Variants in PPWD1 observed in about 807,000 individuals in gnomAD.
PPWD1 encodes the protein peptidylprolyl isomerase domain and WD repeat containing 1.
A neutral mutation model predicts 68.8 loss-of-function variants in PPWD1; 43 were observed. The ratio of observed to expected loss-of-function variants is 0.62; its 90% CI spans 0.49 to 0.81. PPWD1 has a LOEUF of 0.81. Ranked by LOEUF, PPWD1 falls within the 30% of genes least tolerant of loss-of-function variation. The pLI is 0.00. For missense variants in PPWD1, 672 were observed against 804.8 expected, an observed-to-expected ratio of 0.83 and a Z score of 2.00; for synonymous variants, 232 against 258.7, an observed-to-expected ratio of 0.90 and a Z score of 0.99.
chr5:65,567,603 T>G lies in PPWD1; in HGVS notation c.287T>G (p.Val96Gly), dbSNP rs769038409. The G allele has an allele frequency of 6.4e-5, 103 of 1,602,168 alleles. No homozygotes were observed. Among genetic ancestry groups the G allele is most frequent in the Non-Finnish European group, 8.5e-5 (100 of 1,173,218 alleles). Residue 96 changes from valine (V) to glycine (G), a missense_variant, in exon 2 of 11, where the codon GTG becomes GGG. Coordinates refer to ENST00000261308, the MANE Select transcript of PPWD1 (RefSeq NM_015342.4). ...ATGCATAGAGATGTTATCACCCATGTGGTATGCACCAAGTAAGTCTATCAC... is the reference window on the plus strand; with the variant it reads ...ATGCATAGAGATGTTATCACCCATGGGGTATGCACCAAGTAAGTCTATCAC... ...SYMHRDVITH[V>G]VCTKTDFIIT...
intron 5 of PPWD1, among the ~76,000 whole-genome samples, chr5:65,573,670 A>G (rs769570152): frequency 7.3e-5 from 11 of 150,742 alleles, no homozygotes; most frequent in Non-Finnish European, 1.5e-4. Context: ...CACGGTGCCA[A>G]GCCAGCAGAG....
intron 1 of PPWD1, chr5:65,563,950 G>A: frequency 1.9e-6 from 2 of 1,047,590 alleles, no homozygotes; most frequent in East Asian, 2.6e-5. Context: ...ATCATGGTAG[G>A]TAAAGATAAT....
chr5:65,578,918 G>T (rs979529072), intron 6 of PPWD1, among the ~76,000 whole-genome samples: 3 of 151,200 alleles, frequency 2.0e-5, no homozygotes, highest in African/African-American at 2.4e-5. Flanking sequence ...TTGGTTTTTT[G>T]TTGTTGTTGT....
At chr5:65,564,745 A>G (rs1207383865) in intron 1 of PPWD1, among the ~76,000 whole-genome samples, 1 of 151,896 alleles carries the variant, frequency 6.6e-6, no homozygotes, top group African/African-American at 2.4e-5. Context: ...TTTGTACTCC[A>G]CCCATTCTAA....
chr5:65,565,668 C>T (rs781541926), intron 1 of PPWD1, among the ~76,000 whole-genome samples: 6 of 151,838 alleles, frequency 4.0e-5, no homozygotes, highest in African/African-American at 1.2e-4. Context: ...ATTAGCCGGG[C>T]GTGGTGGCGC....
Position 65,570,167 on chromosome 5 carries a change from G to A in PPWD1, c.521+169G>A, listed in dbSNP as rs769899407. 256 of 880,896 alleles carry A rather than the reference G, an allele frequency of 2.9e-4. 2 individuals carry two copies. In the Middle Eastern group the frequency reaches 3.5e-3, roughly 12 times the overall value. 54.6% of individuals were successfully genotyped at this position (880,896 alleles called of 1,614,324 possible). A position where few individuals can be genotyped will look rare whatever the true frequency, so the allele number is the denominator to read the frequency against. Reference sequence around the variant, plus strand: ...ATACAGTGAAGCCTTATAATGTTTGGAAGCATCTGCTATGATTTGTTATCA... The same window carrying A: ...ATACAGTGAAGCCTTATAATGTTTGAAAGCATCTGCTATGATTTGTTATCA... On this transcript the variant is annotated intron_variant, in intron 4 of 10. Coordinates refer to ENST00000261308, the MANE Select transcript of PPWD1 (RefSeq NM_015342.4).
intron 4 of PPWD1, 35 bp from the exon 5 acceptor site, chr5:65,571,804 C>CT (rs749149033): frequency 1.4e-4 from 229 of 1,581,166 alleles, no homozygotes; most frequent in South Asian, 8.4e-4. Flanking sequence ...TTGTGCTGAC[C>CT]TTTTTTTTTC....
chr5:65,564,535 G>T (rs1287031504), intron 1 of PPWD1, among the ~76,000 whole-genome samples: 2 of 152,018 alleles, frequency 1.3e-5, no homozygotes, highest in Admixed American at 6.6e-5. Flanking sequence ...TGGCCAGGAT[G>T]GTCTTGATTT....
At chr5:65,569,467 A>G (rs551779375) in intron 2 of PPWD1, 165 bp from the exon 3 acceptor site, 93 of 667,732 alleles carry the variant, frequency 1.4e-4, no homozygotes, top group Admixed American at 4.9e-4. Flanking sequence ...AGGAGTTTCA[A>G]AATTTGCAGT....
chr5:65,577,859 G>T (rs1443266207), intron 6 of PPWD1, among the ~76,000 whole-genome samples: 1 of 152,122 alleles, frequency 6.6e-6, no homozygotes, highest in Non-Finnish European at 1.5e-5. Flanking sequence ...TGGTCCATTT[G>T]TTCCATTGAT....
intron 4 of PPWD1, chr5:65,570,452 C>T: frequency 2.1e-6 from 1 of 465,962 alleles, no homozygotes; most frequent in Non-Finnish European, 2.8e-6. Flanking sequence ...AGTATTAAGA[C>T]TGATACTTTG....
At chr5:65,585,235 G>C in intron 9 of PPWD1, 140 bp downstream of exon 9, 1 of 781,254 alleles carries the variant, frequency 1.3e-6, no homozygotes, top group South Asian at 2.0e-5. Flanking sequence ...GGAAGCCAAA[G>C]GAGGAGTGGA....
chr5:65,572,063 A>G lies in PPWD1; in HGVS notation c.746A>G (p.Tyr249Cys). Reference sequence around the variant, plus strand: ...TCTGACAAATCTGGGATGATTGAATACTGGACTGGGCCTCCTCATGAATAT... The same window carrying G: ...TCTGACAAATCTGGGATGATTGAATGCTGGACTGGGCCTCCTCATGAATAT... ...VSSDKSGMIE[Y>C]WTGPPHEYKF... Residue 249 changes from tyrosine (Y) to cysteine (C), a missense_variant, in exon 5 of 11, where the codon TAC (tyrosine) becomes TGC (cysteine). Physicochemically the swap from Tyr to Cys is radical, Grantham distance 194 (BLOSUM62 -2). Transcript: ENST00000261308. 6.2e-7 allele frequency: 1 copy of G among 1,613,902 alleles called. No homozygotes were observed.
At chr5:65,577,200 A>G (rs1753339299) in intron 6 of PPWD1, 131 bp downstream of exon 6, 3 of 1,360,362 alleles carry the variant, frequency 2.2e-6, no homozygotes, top group African/African-American at 2.9e-5. Context: ...AACTTAACCA[A>G]ATGTTTTGAC....
intron 8 of PPWD1, 68 bp from the exon 9 acceptor site, chr5:65,584,946 G>A: frequency 6.4e-7 from 1 of 1,552,586 alleles, no homozygotes; most frequent in Admixed American, 2.0e-5. Flanking sequence ...TTAGGAAGCA[G>A]AACTGCAAAG....
At chr5:65,578,818 A>C (rs560649040) in intron 6 of PPWD1, among the ~76,000 whole-genome samples, 1 of 141,168 alleles carries the variant, frequency 7.1e-6, no homozygotes, top group Admixed American at 7.1e-5. Flanking sequence ...GTATATATAT[A>C]CTTTTTTTTA....
chr5:65,576,246 T>G, intron 5 of PPWD1: 1 of 855,604 alleles, frequency 1.2e-6, no homozygotes, highest in Non-Finnish European at 1.4e-6. Context: ...GTGTTATATT[T>G]CATTGGAAAG....
Position 65,583,206 on chromosome 5 carries a change from C to T in PPWD1, c.1519C>T (p.Leu507Phe). 1 of 1,587,786 alleles carries T rather than the reference C, an allele frequency of 6.3e-7. No individual in the cohort carries two copies. Among genetic ancestry groups the T allele is most frequent in the South Asian group, 1.2e-5 (1 of 86,128 alleles). The stretch of plus-strand genomic sequence containing the variant: ...CAGCATGGGAGACATTCACACCAAA[C>T]TTTTTCCTGTTGAGTATGTATAACA... ...HTSMGDIHTK[L>F]FPVECPKTVE... Residue 507 changes from leucine to phenylalanine, a missense_variant, in exon 8 of 11, where the codon CTT (leucine) becomes TTT (phenylalanine). Leu to Phe is a conservative substitution (Grantham distance 22, BLOSUM62 0). Coordinates refer to ENST00000261308, the MANE Select transcript of PPWD1 (RefSeq NM_015342.4).
intron 4 of PPWD1, 73 bp downstream of exon 4, chr5:65,570,071 G>C: frequency 7.2e-7 from 1 of 1,381,120 alleles, no homozygotes; most frequent in Non-Finnish European, 9.9e-7. Context: ...CCATTTAATA[G>C]GTTATTTCTA....
Sources: allele counts gnomAD v4.1 joint callset (sites outside exome capture counted in the v4.1 genomes callset), GRCh38; gene constraint gnomAD v4.1.1; transcripts MANE v1.5; gene names NCBI Gene and HGNC (gene_info 2026-07-23, HGNC 2026-07-21).